The following EIF2A variants were observed in gnomAD, a reference collection of about 807,000 sequenced individuals.
EIF2A encodes eukaryotic translation initiation factor 2A, also known as 65 kDa eukaryotic translation initiation factor 2A.
Under a neutral mutation model 75.2 loss-of-function variants are expected in EIF2A, and 62 were observed. That is an observed-to-expected ratio of 0.82 (90% CI 0.67 to 1.02). The LOEUF is 1.02. EIF2A is among the 50% of genes least tolerant of loss of function. EIF2A has a pLI of 0.00. For synonymous variants in EIF2A, 207 were observed against 239.0 expected (o/e 0.87, Z 1.23); for missense variants, 611 against 677.7 (o/e 0.90, Z 1.09).
chr3:150,585,599 GT>G lies in EIF2A; in HGVS notation c.*1691del, dbSNP rs968411949. On this transcript the variant is annotated 3_prime_UTR_variant, in exon 14 of 14. Coordinates refer to ENST00000460851, the MANE Select transcript of EIF2A (RefSeq NM_032025.5). ...TATCTCTCTCAGGATGTGTGTATGT[GT>G]TTGTTTCTCTGGAAAACCCTGACTA... 4 of 152,156 alleles carry G rather than the reference GT, an allele frequency of 2.6e-5. No individual in the cohort carries two copies. The highest frequency in any genetic ancestry group is 7.2e-5 in the African/African-American group (3 of 41,436). 9.4% of individuals were successfully genotyped at this position (152,156 alleles called of 1,614,324 possible). A position where few individuals can be genotyped will look rare whatever the true frequency, so the allele number is the denominator to read the frequency against.
intron 11 of EIF2A, among the ~76,000 whole-genome samples, chr3:150,579,561 T>C (rs1725054385): frequency 6.6e-6 from 1 of 152,004 alleles, no homozygotes; most frequent in Non-Finnish European, 1.5e-5. Flanking sequence ...AATACAAAAT[T>C]AGCTGGGTGT....
chr3:150,573,365 G>C (rs2107954082), intron 10 of EIF2A, among the ~76,000 whole-genome samples: 1 of 152,242 alleles, frequency 6.6e-6, no homozygotes, highest in African/African-American at 2.4e-5. Flanking sequence ...CAATTCTCCT[G>C]CCTCAGCCTT....
chr3:150,575,658 G>T lies in EIF2A; in HGVS notation c.1393G>T (p.Glu465Ter). ...PITNSKLHEE[E>*]PPQNMKPQSG... is the part of the protein sequence containing the mutation. ...TTTACATTTTCCATAGCATGAAGAGGAACCACCTCAGAATATGAAACCACA... is the reference window on the plus strand; with the variant it reads ...TTTACATTTTCCATAGCATGAAGAGTAACCACCTCAGAATATGAAACCACA... Residue 465 changes from glutamate to a stop codon, truncating the protein, a stop_gained, in exon 11 of 14, where the codon GAA becomes TAA. Transcript: ENST00000460851. LOFTEE classifies it high-confidence loss of function. 1 of 1,607,040 alleles carries T rather than the reference G, an allele frequency of 6.2e-7. No individual in the cohort carries two copies. Among genetic ancestry groups the T allele is most frequent in the South Asian group, 1.1e-5 (1 of 89,378 alleles).
intron 6 of EIF2A, chr3:150,566,556 A>G (rs1724193452): frequency 6.6e-6 from 1 of 151,994 alleles, no homozygotes; most frequent in Non-Finnish European, 1.5e-5. Flanking sequence ...TATTTAAATT[A>G]AAGTTTTATA....
At chr3:150,567,567 C>G in intron 6 of EIF2A, 126 bp from the exon 7 acceptor site, 1 of 682,296 alleles carries the variant, frequency 1.5e-6, no homozygotes, top group Non-Finnish European at 2.4e-6. Context: ...CTGTATCTCA[C>G]CAGGAGGAGA....
At chr3:150,555,893 A>G (rs1032623792) in intron 2 of EIF2A, among the ~76,000 whole-genome samples, 2 of 152,182 alleles carry the variant, frequency 1.3e-5, no homozygotes, top group African/African-American at 4.8e-5. Context: ...TCCACAAAAT[A>G]TAGCCAACTT....
intron 12 of EIF2A, 114 bp downstream of exon 12, chr3:150,581,860 C>A: frequency 7.9e-7 from 1 of 1,263,294 alleles, no homozygotes; most frequent in Non-Finnish European, 1.1e-6. Context: ...ATCAGCAGTT[C>A]TCATTGTTGT....
intron 3 of EIF2A, among the ~76,000 whole-genome samples, chr3:150,561,585 A>T (rs1310909444): frequency 6.6e-6 from 1 of 151,976 alleles, no homozygotes; most frequent in East Asian, 1.9e-4. Context: ...CTCAAATAAA[A>T]AATAAAACAA....
intron 1 of EIF2A, among the ~76,000 whole-genome samples, chr3:150,549,022 C>A (rs1042389029): frequency 1.3e-5 from 2 of 152,056 alleles, no homozygotes; most frequent in Non-Finnish European, 1.5e-5. Context: ...AATTTAGACT[C>A]GTGGGATTTT....
At chr3:150,570,084 T>G (rs766866090) in intron 9 of EIF2A, among the ~76,000 whole-genome samples, 1 of 152,156 alleles carries the variant, frequency 6.6e-6, no homozygotes, top group Non-Finnish European at 1.5e-5. Flanking sequence ...GTCAAAAACT[T>G]ATACATAAGA....
rs73001358 is a variant in EIF2A, at chr3:150,585,918, C to T, written c.*2007C>T. 0.014 allele frequency among the ~76,000 whole-genome samples: 2,203 copies of T among 152,288 alleles called. 38 individuals carry two copies. Among genetic ancestry groups the T allele is most frequent in the African/African-American group, 0.05 (2,090 of 41,564 alleles). Reference sequence around the variant, plus strand: ...GGTGAGAAAGCAGCCAGCTGTAAGCCAGAGAGTCCTCACCAGAACCTAACC... The same window carrying T: ...GGTGAGAAAGCAGCCAGCTGTAAGCTAGAGAGTCCTCACCAGAACCTAACC... On this transcript the variant is annotated 3_prime_UTR_variant, in exon 14 of 14. Coordinates refer to ENST00000460851, the MANE Select transcript of EIF2A (RefSeq NM_032025.5).
intron 3 of EIF2A, among the ~76,000 whole-genome samples, chr3:150,561,064 T>C (rs1380275558): frequency 6.6e-6 from 1 of 152,196 alleles, no homozygotes; most frequent in African/African-American, 2.4e-5. Flanking sequence ...GCTCTTGAGA[T>C]TGTAGTAGAC....
chr3:150,570,158 CTT>C (rs1027907955), intron 9 of EIF2A, among the ~76,000 whole-genome samples: 2 of 151,624 alleles, frequency 1.3e-5, no homozygotes, highest in African/African-American at 4.8e-5. Context: ...TAGAAAAAGA[CTT>C]TTTAAACAAG....
At chr3:150,554,560 C>T (rs577626551) in intron 2 of EIF2A, among the ~76,000 whole-genome samples, 1 of 152,052 alleles carries the variant, frequency 6.6e-6, no homozygotes, top group African/African-American at 2.4e-5. Context: ...TGTTCGGATT[C>T]ATTAGATCAG....
At chr3:150,568,418 A>T in intron 9 of EIF2A, 126 bp downstream of exon 9, 1 of 760,864 alleles carries the variant, frequency 1.3e-6, no homozygotes, top group Non-Finnish European at 1.9e-6. Flanking sequence ...AACCTTTAAG[A>T]TAAAATTTTT....
chr3:150,571,990 A>G lies in EIF2A; in HGVS notation c.844A>G (p.Asn282Asp). ...KNGPIYDVVW[N>D]SSSTEFCAVY... ...TGGCCCCATTTATGATGTAGTTTGG[A>G]ATTCTAGTTCTACTGAGTTTTGTGC... The change falls in exon 10 of 14, where the codon AAT becomes GAT. Residue 282 changes from asparagine to aspartate, a missense_variant. By Grantham distance (23) the Asn-to-Asp change is conservative. Coordinates refer to ENST00000460851, the MANE Select transcript of EIF2A (RefSeq NM_032025.5). The G allele has an allele frequency of 1.2e-6, 2 of 1,611,090 alleles. No individual in the cohort carries two copies. Among genetic ancestry groups the G allele is most frequent in the Non-Finnish European group, 1.7e-6 (2 of 1,178,472 alleles).
At chr3:150,549,814 T>C (rs188096592) in intron 1 of EIF2A, among the ~76,000 whole-genome samples, 2 of 152,306 alleles carry the variant, frequency 1.3e-5, no homozygotes, top group East Asian at 1.9e-4. Context: ...AACAGCAATG[T>C]CCATTACGTG....
chr3:150,582,355 A>G (rs1334516394), intron 12 of EIF2A, among the ~76,000 whole-genome samples: 1 of 143,108 alleles, frequency 7.0e-6, no homozygotes, highest in Non-Finnish European at 1.5e-5. Context: ...TGCTCTGTCG[A>G]CCAGGTTGGA....
intron 3 of EIF2A, 33 bp from the exon 4 acceptor site, chr3:150,562,509 T>C (rs756875776): frequency 3.3e-6 from 5 of 1,527,108 alleles, no homozygotes; most frequent in African/African-American, 1.4e-5. Flanking sequence ...TAAAACAGTA[T>C]TTCATTGCTG....
Sources: gnomAD v4.1 joint callset for allele counts (sites outside exome capture counted in the v4.1 genomes callset) on GRCh38, gnomAD v4.1.1 for gene constraint, MANE v1.5 for transcripts, NCBI Gene and HGNC (gene_info 2026-07-23, HGNC 2026-07-21) for gene names.